ASPH: variants seen among roughly 807,000 people sequenced by gnomAD.
ASPH encodes the protein aspartate beta-hydroxylase, also known as aspartyl/asparaginyl beta-hydroxylase.
In ASPH, 100 loss-of-function variants were observed where a neutral mutation model predicts 118.4. That is an observed-to-expected ratio of 0.84 (90% CI 0.72 to 1.00). The LOEUF (loss-of-function observed/expected upper bound fraction) is 1.00, where lower values mean the gene tolerates loss of function less well. ASPH is among the 50% of genes least tolerant of loss of function. ASPH has a pLI of 0.00. For synonymous variants in ASPH, 315 were observed against 325.6 expected, an observed-to-expected ratio of 0.97 and a Z score of 0.35; for missense variants, 920 against 919.5, an observed-to-expected ratio of 1.00 and a Z score of -0.01.
At chr8:61,652,263 G>T (rs762817177) in intron 4 of ASPH, among the ~76,000 whole-genome samples, 1 of 152,166 alleles carries the variant, frequency 6.6e-6, no homozygotes, top group East Asian at 1.9e-4. Context: ...AATATAATCT[G>T]AGTTACTAGA....
rs551968578 is a variant in ASPH at position 61,650,606 on chromosome 8, G to A, written c.490+444C>T. Among the ~76,000 whole-genome samples, 6 of 152,024 alleles carry A rather than the reference G, an allele frequency of 3.9e-5. No individual in the cohort carries two copies. The East Asian group carries it at 5.8e-4, about 15-fold the overall frequency. ...CTGGGAAAATGTTTTGCATTCTCACGTTTTTTTTCCTGTCTGCTTAGTGCA... is the reference window on the plus strand; with the variant it reads ...CTGGGAAAATGTTTTGCATTCTCACATTTTTTTTCCTGTCTGCTTAGTGCA... On this transcript the variant is annotated intron_variant, in intron 5 of 24. Coordinates refer to ENST00000379454, the MANE Select transcript of ASPH (RefSeq NM_004318.4).
In ASPH at chr8:61,562,358, CAAA is replaced by C. The variant is rs66585881; in HGVS notation, c.1437+383_1437+385del. Among the ~76,000 whole-genome samples, 332 of 111,314 alleles carry C rather than the reference CAAA, an allele frequency of 3.0e-3. 13 individuals are homozygous for C. The highest frequency in any genetic ancestry group is 5.4e-3 in the Middle Eastern group (1 of 186). 73.0% of individuals were successfully genotyped at this position (111,314 alleles called of 152,430 possible). A position where few individuals can be genotyped will look rare whatever the true frequency, so the allele number is the denominator to read the frequency against. On this transcript the variant is annotated intron_variant, in intron 18 of 24. Coordinates refer to ENST00000379454, the MANE Select transcript of ASPH (RefSeq NM_004318.4). ...GCCTCTCTCTAGACCATACTTCTGC[CAAA>C]AAAAAAAAAAAAAAAAGGAAAGTGT...
chr8:61,553,133 C>T lies in ASPH; in HGVS notation c.1537-13G>A. ...ATTCTATTCCTTCCTGTAGAAAGGA[C>T]AGTGTTAGTATGGGTAAAATAATTA... is the stretch of plus-strand genomic sequence containing the variant. On this transcript the variant is annotated splice_polypyrimidine_tract_variant and intron_variant, in intron 19 of 24. Transcript: ENST00000379454. 1 of 1,580,486 alleles carries T rather than the reference C, an allele frequency of 6.3e-7. No homozygotes were observed.
At chr8:61,665,631 A>G (rs1350657114) in intron 3 of ASPH, 2 of 1,540,288 alleles carry the variant, frequency 1.3e-6, no homozygotes, top group Non-Finnish European at 1.7e-6. Context: ...AATTAAAGGA[A>G]AAAATGTTTA....
At chr8:61,652,853 A>G (rs184268233) in intron 4 of ASPH, among the ~76,000 whole-genome samples, 3 of 152,332 alleles carry the variant, frequency 2.0e-5, no homozygotes, top group African/African-American at 7.2e-5. Flanking sequence ...TAAAGGAAAA[A>G]AAATCAAATA....
chr8:61,512,945 C>T (rs1012830599), intron 24 of ASPH, among the ~76,000 whole-genome samples: 2 of 152,168 alleles, frequency 1.3e-5, no homozygotes, highest in African/African-American at 4.8e-5. Context: ...GGACGTGTAT[C>T]AGTTTTCTAA....
chr8:61,651,212 C>A, intron 4 of ASPH, 88 bp from the exon 5 acceptor site: 2 of 1,038,484 alleles, frequency 1.9e-6, no homozygotes, highest in Non-Finnish European at 2.9e-6. Context: ...GGTACATACA[C>A]ATTAAAATGA....
At chr8:61,632,067 C>A (rs1240301281) in intron 13 of ASPH, 1 of 152,118 alleles carries the variant, frequency 6.6e-6, no homozygotes, top group Non-Finnish European at 1.5e-5. Flanking sequence ...AATTACTAAA[C>A]AATAGTCATA....
intron 14 of ASPH, among the ~76,000 whole-genome samples, chr8:61,587,396 T>G (rs1171902159): frequency 6.6e-6 from 1 of 152,238 alleles, no homozygotes; most frequent in Non-Finnish European, 1.5e-5. Context: ...ATTTTGCTTT[T>G]GTAGAAGTGT....
At chr8:61,574,706 G>C (rs1050436276) in intron 16 of ASPH, among the ~76,000 whole-genome samples, 2 of 152,136 alleles carry the variant, frequency 1.3e-5, no homozygotes, top group Non-Finnish European at 2.9e-5. Context: ...CGGGTGGGGG[G>C]CTAGGGGAGG....
intron 3 of ASPH, chr8:61,665,583 G>T: frequency 1.3e-6 from 2 of 1,590,512 alleles, no homozygotes; most frequent in Non-Finnish European, 1.7e-6. Flanking sequence ...TCCTTCTTGA[G>T]CTCTTCTTTA....
intron 3 of ASPH, chr8:61,664,665 G>C (rs930819390): frequency 1.0e-6 from 1 of 986,168 alleles, no homozygotes; most frequent in African/African-American, 1.7e-5. Context: ...ACTAGAAAAG[G>C]GGAGATAAGA....
At chr8:61,675,980 C>T (rs1825107698) in intron 3 of ASPH, 3 of 1,546,716 alleles carry the variant, frequency 1.9e-6, no homozygotes, top group Non-Finnish European at 2.6e-6. Flanking sequence ...AACCACCCCA[C>T]TGCACATTAA....
intron 14 of ASPH, chr8:61,607,295 T>C (rs373176180): frequency 4.8e-5 from 34 of 702,196 alleles, no homozygotes; most frequent in African/African-American, 1.9e-4. Flanking sequence ...GCAAGCCGCC[T>C]GGCTTTCACC....
At chr8:61,699,197 A>T (rs1834660036) in intron 1 of ASPH, among the ~76,000 whole-genome samples, 1 of 152,230 alleles carries the variant, frequency 6.6e-6, no homozygotes, top group Non-Finnish European at 1.5e-5. Flanking sequence ...TGCAGAAAAC[A>T]TGATCAACTG....
At chr8:61,596,701 T>G (rs917229209) in intron 14 of ASPH, among the ~76,000 whole-genome samples, 9 of 151,734 alleles carry the variant, frequency 5.9e-5, no homozygotes, top group Admixed American at 1.3e-4. Flanking sequence ...AAAGACAAAG[T>G]GCTCTACACA....
At chr8:61,577,127 G>A (rs574950913) in intron 15 of ASPH, among the ~76,000 whole-genome samples, 5 of 151,924 alleles carry the variant, frequency 3.3e-5, no homozygotes, top group Non-Finnish European at 7.4e-5. Context: ...ATTGAACAAT[G>A]AGAACACTTG....
intron 2 of ASPH, among the ~76,000 whole-genome samples, chr8:61,681,300 C>T (rs1827929200): frequency 6.6e-6 from 1 of 151,766 alleles, no homozygotes; most frequent in South Asian, 2.1e-4. Context: ...GATTGAACAA[C>T]ATCCTGATCT....
intron 18 of ASPH, among the ~76,000 whole-genome samples, chr8:61,560,472 A>T (rs1829417576): frequency 6.6e-6 from 1 of 152,212 alleles, no homozygotes; most frequent in African/African-American, 2.4e-5. Flanking sequence ...TCTAAAAATG[A>T]TCTTTAACAT....
Sources: gnomAD v4.1 joint callset for allele counts (sites outside exome capture counted in the v4.1 genomes callset) on GRCh38, gnomAD v4.1.1 for gene constraint, MANE v1.5 for transcripts, NCBI Gene and HGNC (gene_info 2026-07-23, HGNC 2026-07-21) for gene names.